ZNF611: variants seen among roughly 807,000 people sequenced by gnomAD.
ZNF611 encodes zinc finger protein 611.
ZNF611 carries 6 observed loss-of-function variants against 8.9 expected under a neutral mutation model. That is an observed-to-expected ratio of 0.68 (90% CI 0.37 to 1.34). The LOEUF is 1.34. Among genes scored for constraint, ZNF611 ranks in the 40% most tolerant of loss-of-function variants. The pLI, the probability that ZNF611 is intolerant of heterozygous loss-of-function variation, is 0.02. For missense variants in ZNF611, 874 were observed against 841.3 expected, an observed-to-expected ratio of 1.04 and a Z score of -0.48; for synonymous variants, 262 against 279.7, an observed-to-expected ratio of 0.94 and a Z score of 0.63.
chr19:52,733,155 T>A (rs1287546637), intron 1 of ZNF611, among the ~76,000 whole-genome samples: 2 of 152,174 alleles, frequency 1.3e-5, no homozygotes, highest in African/African-American at 4.8e-5. Context: ...AATGTACATG[T>A]CTTATAGATA....
At chr19:52,717,847 C>G (rs2062327959) in intron 3 of ZNF611, among the ~76,000 whole-genome samples, 1 of 152,128 alleles carries the variant, frequency 6.6e-6, no homozygotes, top group South Asian at 2.1e-4. Context: ...TCCTTGATAT[C>G]TTTATCAAGT....
intron 3 of ZNF611, chr19:52,723,389 T>G (rs73576389): frequency 6.6e-6 from 1 of 151,816 alleles, no homozygotes; most frequent in Admixed American, 6.6e-5. Context: ...TCCTAGTAGC[T>G]GGCATTACAG....
At chr19:52,734,580 T>C (rs1475060853) in intron 1 of ZNF611, among the ~76,000 whole-genome samples, 1 of 148,526 alleles carries the variant, frequency 6.7e-6, no homozygotes, top group African/African-American at 2.5e-5. Context: ...GGATGGGGTC[T>C]GCAGGATCCC....
intron 3 of ZNF611, among the ~76,000 whole-genome samples, chr19:52,726,722 GTTTT>G (rs56146245): frequency 1.2e-4 from 16 of 130,304 alleles, no homozygotes; most frequent in South Asian, 4.9e-4. Context: ...TCGGCCTTGT[GTTTT>G]TTTTTTTTTT....
At chr19:52,726,102 TCTCC>T (rs1282453943) in intron 3 of ZNF611, among the ~76,000 whole-genome samples, 1 of 152,136 alleles carries the variant, frequency 6.6e-6, no homozygotes, top group Non-Finnish European at 1.5e-5. Flanking sequence ...ACAGAACTCC[TCTCC>T]CTTTCTATTC....
At chr19:52,715,628 G>T (rs2062311530) in intron 4 of ZNF611, among the ~76,000 whole-genome samples, 1 of 152,158 alleles carries the variant, frequency 6.6e-6, no homozygotes, top group Admixed American at 6.6e-5. Flanking sequence ...ACCATGCCCA[G>T]TGGAGCCTCT....
At chr19:52,717,228 G>A (rs570297006) in intron 3 of ZNF611, among the ~76,000 whole-genome samples, 2 of 152,210 alleles carry the variant, frequency 1.3e-5, no homozygotes, top group East Asian at 1.9e-4. Context: ...GCTCTGCCCC[G>A]ACTATCTTGG....
In ZNF611 at chr19:52,706,948, G is replaced by A. The variant is rs561101106; in HGVS notation, c.191-84C>T. ...AGTGCATAAATATGACACAAAAAAC[G>A]ATACTTATTTTGAACTTCCCAAACA... is the stretch of plus-strand genomic sequence containing the variant. On this transcript the variant is annotated intron_variant, in intron 5 of 5. Transcript: ENST00000652185. 19 of 1,516,988 alleles carry A rather than the reference G, an allele frequency of 1.3e-5. No individual in the cohort carries two copies. In the South Asian group the frequency reaches 1.5e-4, roughly 12 times the overall value. The allele number at this position is 1,516,988 out of a possible 1,614,324, so 94.0% of individuals were successfully genotyped here.
At chr19:52,718,483 C>A (rs538512455) in intron 3 of ZNF611, among the ~76,000 whole-genome samples, 8,886 of 151,826 alleles carry the variant, frequency 0.059, 831 homozygotes, top group African/African-American at 0.2. Context: ...CCAGCCTGGA[C>A]AGCAGTAAGA....
At chr19:52,711,661 C>T (rs919481323) in intron 5 of ZNF611, among the ~76,000 whole-genome samples, 8 of 152,168 alleles carry the variant, frequency 5.3e-5, no homozygotes, top group Admixed American at 3.3e-4. Flanking sequence ...TGAAGCCATC[C>T]CTCATGGATC....
chr19:52,717,464 T>C (rs1227259692), intron 3 of ZNF611, among the ~76,000 whole-genome samples: 8 of 151,982 alleles, frequency 5.3e-5, no homozygotes, highest in Admixed American at 5.2e-4. Context: ...GCCCCAGGAA[T>C]AGGAAAGCAG....
chr19:52,718,025 G>A (rs1169850018), intron 3 of ZNF611, among the ~76,000 whole-genome samples: 1 of 152,070 alleles, frequency 6.6e-6, no homozygotes, highest in Non-Finnish European at 1.5e-5. Flanking sequence ...TGGGTCAAAG[G>A]AGAAATATTT....
At chr19:52,732,317 GAATAACTCAC>G in intron 1 of ZNF611, among the ~76,000 whole-genome samples, 2 of 138,786 alleles carry the variant, frequency 1.4e-5, no homozygotes, top group African/African-American at 2.6e-5. Flanking sequence ...GAGTTATTCT[GAATAACTCAC>G]AGTATTGAGT....
intron 3 of ZNF611, among the ~76,000 whole-genome samples, chr19:52,718,049 A>G (rs887023735): frequency 6.6e-6 from 1 of 152,228 alleles, no homozygotes; most frequent in Admixed American, 6.5e-5. Context: ...AATATACCAT[A>G]CTTTGAAAAC....
At chr19:52,726,262 T>C (rs565726124) in intron 3 of ZNF611, among the ~76,000 whole-genome samples, 11 of 152,144 alleles carry the variant, frequency 7.2e-5, no homozygotes, top group African/African-American at 2.6e-4. Context: ...GATGCGGGCG[T>C]GAGGCCGGAA....
intron 3 of ZNF611, among the ~76,000 whole-genome samples, chr19:52,725,607 T>C (rs1396621700): frequency 6.6e-6 from 1 of 152,114 alleles, no homozygotes; most frequent in Non-Finnish European, 1.5e-5. Context: ...CAATTTGCTC[T>C]GGGTGAAGGA....
In ZNF611 at chr19:52,704,778, T is replaced by G. The variant is rs1190726957; in HGVS notation, c.*159A>C. 6.3e-7 allele frequency: 1 copy of G among 1,593,770 alleles called. No individual in the cohort carries two copies. Among genetic ancestry groups the G allele is most frequent in the Non-Finnish European group, 8.6e-7 (1 of 1,162,260 alleles). ...TGCCACACTCATTACACTTGTAAGG[T>G]TTCTCTCCAGTGTGAAGTCCAGTAT... On this transcript the variant is annotated 3_prime_UTR_variant, in exon 6 of 6. Transcript: ENST00000652185.
At position 52,731,997 on chromosome 19, in the gene ZNF611, C is replaced by T. The variant is rs893838101; in HGVS notation, c.-221-1992G>A. Among the ~76,000 whole-genome samples, 5 of 141,978 alleles carry T rather than the reference C, an allele frequency of 3.5e-5. No homozygotes were observed. The South Asian group carries it at 6.9e-4, about 19-fold the overall frequency. The allele number at this position is 141,978 out of a possible 152,430, so 93.1% of individuals were successfully genotyped here. On this transcript the variant is annotated intron_variant, in intron 1 of 5. Coordinates refer to ENST00000652185, the MANE Select transcript of ZNF611 (RefSeq NM_001161499.2). ...AAAAAAAGAAAAAAAAATGGCCGGG[C>T]GGGTGGCTCACGCCTGTAATCCCAG...
At chr19:52,711,865 T>G (rs112403567) in intron 5 of ZNF611, among the ~76,000 whole-genome samples, 11,230 of 150,306 alleles carry the variant, frequency 0.075, 974 homozygotes, top group African/African-American at 0.23. Flanking sequence ...ATCATGTGAG[T>G]CAAGGCCAGG....
Sources: gnomAD v4.1 joint callset for allele counts (sites outside exome capture counted in the v4.1 genomes callset) on GRCh38, gnomAD v4.1.1 for gene constraint, MANE v1.5 for transcripts, NCBI Gene and HGNC (gene_info 2026-07-23, HGNC 2026-07-21) for gene names.